Variants in PLEKHG5 observed in about 807,000 individuals in gnomAD.
PLEKHG5 encodes the protein pleckstrin homology and RhoGEF domain containing G5.
PLEKHG5 carries 52 observed loss-of-function variants against 103.8 expected under a neutral mutation model. That is an observed-to-expected ratio of 0.50 (90% confidence interval 0.40 to 0.63). PLEKHG5 has a LOEUF of 0.63. Ranked by LOEUF, PLEKHG5 falls within the 30% of genes least tolerant of loss-of-function variation. PLEKHG5 has a pLI of 0.00. For missense variants in PLEKHG5, 1,205 were observed against 1,347.6 expected (o/e 0.89, Z 1.66); for synonymous variants, 592 against 575.5 (o/e 1.03, Z -0.41).
intron 5 of PLEKHG5, chr1:6,474,840 C>T (rs1644712106): frequency 4.5e-6 from 3 of 671,360 alleles, no homozygotes; most frequent in Admixed American, 4.3e-5. Context: ...CTCCTGCATA[C>T]ATGATTAAAA....
chr1:6,512,169 C>T (rs1444319607), intron 1 of PLEKHG5, among the ~76,000 whole-genome samples: 2 of 152,206 alleles, frequency 1.3e-5, no homozygotes, highest in African/African-American at 4.8e-5. Context: ...GCCCATGTCG[C>T]TCGGAAGGGG....
rs544810676 is a variant in PLEKHG5, at chr1:6,486,551, G to A, written c.-88+5086C>T. On this transcript the variant is annotated intron_variant, in intron 1 of 20. Transcript: ENST00000377728. The surrounding 1 kb of genome is among the most constrained non-coding windows in gnomAD (Gnocchi z 5.3). ...AGAGGCTATCCTTGGCAGCCCCCAG[G>A]AGCTGGGTGAGGTGGAGGCATCAGG... Among the ~76,000 whole-genome samples, 58 of 152,348 alleles carry A rather than the reference G, an allele frequency of 3.8e-4. No homozygotes were observed. In the South Asian group the frequency reaches 4.8e-3, roughly 12 times the overall value.
At chr1:6,497,803 G>T (rs2148628680), upstream of PLEKHG5, among the ~76,000 whole-genome samples, 1 of 152,296 alleles carries the variant, frequency 6.6e-6, no homozygotes, top group East Asian at 1.9e-4. The surrounding 1 kb of genome is among the most constrained non-coding windows in gnomAD (Gnocchi z 6.1). Context: ...GGAGAGACTC[G>T]CCTGCCACGG....
chr1:6,476,794 G>C (rs191952604), intron 2 of PLEKHG5, among the ~76,000 whole-genome samples: 2 of 151,348 alleles, frequency 1.3e-5, no homozygotes, highest in African/African-American at 4.9e-5. Context: ...TTGCTCTGTC[G>C]CTCAGGCTGG....
At chr1:6,495,425 G>C (rs113480314), upstream of PLEKHG5, among the ~76,000 whole-genome samples, 1 of 152,100 alleles carries the variant, frequency 6.6e-6, no homozygotes, top group African/African-American at 2.4e-5. Flanking sequence ...GGAGGGGAGC[G>C]GGGGGTGGGG....
intron 16 of PLEKHG5, 82 bp from the exon 17 acceptor site, chr1:6,469,758 A>C: frequency 1.4e-6 from 2 of 1,440,310 alleles, no homozygotes; most frequent in Admixed American, 1.8e-5. Context: ...CCCTGGGAGC[A>C]CTCGGTTTTT....
chr1:6,512,074 T>C (rs1638488392), intron 1 of PLEKHG5, among the ~76,000 whole-genome samples: 1 of 152,218 alleles, frequency 6.6e-6, no homozygotes, highest in Non-Finnish European at 1.5e-5. Context: ...GCATCTCCTT[T>C]AATCTACCCA....
rs868772853 is a variant in PLEKHG5 at position 6,486,230 on chromosome 1, G to A, written c.-88+5407C>T. Among the ~76,000 whole-genome samples, 1 of 152,082 alleles carries A rather than the reference G, an allele frequency of 6.6e-6. No individual in the cohort carries two copies. Among genetic ancestry groups the A allele is most frequent in the South Asian group, 2.1e-4 (1 of 4,830 alleles). On this transcript the variant is annotated intron_variant, in intron 1 of 20. Transcript: ENST00000377728. This position sits in a 1 kb window ranked among gnomAD's most constrained non-coding sequence, Gnocchi z 5.3. ...TCTTAGAATACAGGCACCAGAAGGG[G>A]GAGGCCAGGATGGGGCACACTCCCC...
At chr1:6,516,860 ATATGTG>A (rs1207712378) in intron 1 of PLEKHG5, among the ~76,000 whole-genome samples, 2 of 24,048 alleles carry the variant, frequency 8.3e-5, no homozygotes, top group South Asian at 3.0e-3. Context: ...GTGTGTGTAT[ATATGTG>A]TATATATATA....
At chr1:6,478,166 G>A (rs924267469) in intron 1 of PLEKHG5, among the ~76,000 whole-genome samples, 1 of 152,118 alleles carries the variant, frequency 6.6e-6, no homozygotes, top group African/African-American at 2.4e-5. Flanking sequence ...TTACAGGCGT[G>A]AGCCACCGCG....
intron 5 of PLEKHG5, 141 bp downstream of exon 5, chr1:6,474,906 G>C (rs80277106): frequency 7.8e-6 from 6 of 764,884 alleles, no homozygotes; most frequent in Non-Finnish European, 1.4e-5. Context: ...ACACCAGCAC[G>C]GGTCTGCCCA....
chr1:6,468,238 CA>C lies in PLEKHG5; in HGVS notation c.2597del (p.Leu866ArgfsTer2). ...TGAGCAGGTGGGGCGGGCAGCTCAA[CA>C]GCTGGACAGGGGTGCGGCGGCGGAG... ...PRLRRRTPVQLLSCPPHLLKS... is the reference protein window; with the variant it reads ...PRLRRRTPVQXLSCPPHLLKS... On this transcript the variant is annotated frameshift_variant, in exon 20 of 21. Transcript: ENST00000377728. LOFTEE classifies it high-confidence loss of function. 6.3e-7 allele frequency: 1 copy of C among 1,596,452 alleles called. No individual in the cohort carries two copies. Among genetic ancestry groups the C allele is most frequent in the Non-Finnish European group, 8.6e-7 (1 of 1,169,056 alleles).
chr1:6,472,225 G>A (rs113504920), intron 10 of PLEKHG5, among the ~76,000 whole-genome samples: 31 of 152,328 alleles, frequency 2.0e-4, no homozygotes, highest in East Asian at 7.7e-4. Flanking sequence ...ACTCTGTCCC[G>A]TCCAGGGCGT....
At chr1:6,477,859 C>A (rs1430252619) in intron 1 of PLEKHG5, among the ~76,000 whole-genome samples, 2 of 151,164 alleles carry the variant, frequency 1.3e-5, no homozygotes, top group African/African-American at 2.5e-5. Context: ...CACACCAACA[C>A]GTGGTTATTT....
chr1:6,486,053 TCTG>T lies in PLEKHG5; in HGVS notation c.-88+5581_-88+5583del. On this transcript the variant is annotated intron_variant, in intron 1 of 20. Transcript: ENST00000377728. This position sits in a 1 kb window ranked among gnomAD's most constrained non-coding sequence, Gnocchi z 5.3. Reference sequence around the variant, plus strand: ...CCCGCCCAGCCCTGGGGGTGCCCACTCTGCTGTGGTCCCCACCTCACCCTCAGC... The same window carrying T: ...CCCGCCCAGCCCTGGGGGTGCCCACTCTGTGGTCCCCACCTCACCCTCAGC... The T allele has an allele frequency of 9.6e-6, 2 of 207,476 alleles. No individual in the cohort carries two copies. Among genetic ancestry groups the T allele is most frequent in the Non-Finnish European group, 1.6e-5 (2 of 126,468 alleles). The allele number at this position is 207,476 out of a possible 1,614,324, so 12.9% of individuals were successfully genotyped here.
At chr1:6,498,953 G>C (rs3007431), upstream of PLEKHG5, among the ~76,000 whole-genome samples, 3,852 of 152,234 alleles carry the variant, frequency 0.025, 157 homozygotes, top group African/African-American at 0.088. Flanking sequence ...AGTGGGGTTC[G>C]GGGCTTTTGT....
rs1557733237 is a variant in PLEKHG5 at position 6,467,598 on chromosome 1, CCTT to C, written c.3012-29_3012-27del. On this transcript the variant is annotated intron_variant, in intron 20 of 20. Transcript: ENST00000377728. ...CTACAGGGTGGGGAGGGGACAGAGT[CCTT>C]CTTTGGCTGACGCCATTCAGAGTGG... 1.7e-5 allele frequency: 28 copies of C among 1,612,094 alleles called. No individual in the cohort carries two copies. In the East Asian group the frequency reaches 4.7e-4, roughly 27 times the overall value.
chr1:6,487,162 T>C lies in PLEKHG5; in HGVS notation c.-88+4475A>G, dbSNP rs535303395. On this transcript the variant is annotated intron_variant, in intron 1 of 20. Coordinates refer to ENST00000377728, the MANE Select transcript of PLEKHG5 (RefSeq NM_020631.6). The surrounding 1 kb of genome is among the most constrained non-coding windows in gnomAD (Gnocchi z 4.1). ...ACGGAATCTTGCTCTGTCACTCACGTTGGAGTGCAGTGGCATGATCCCAGC... is the reference window on the plus strand; with the variant it reads ...ACGGAATCTTGCTCTGTCACTCACGCTGGAGTGCAGTGGCATGATCCCAGC... Among the ~76,000 whole-genome samples, 10 of 152,306 alleles carry C rather than the reference T, an allele frequency of 6.6e-5. No homozygotes were observed. The highest frequency in any genetic ancestry group is 1.9e-4 in the African/African-American group (8 of 41,564).
chr1:6,474,483 T>C lies in PLEKHG5; in HGVS notation c.407A>G (p.Tyr136Cys), dbSNP rs986133840. 6.2e-7 allele frequency: 1 copy of C among 1,613,978 alleles called. No homozygotes were observed. The highest frequency in any genetic ancestry group is 8.5e-7 in the Non-Finnish European group (1 of 1,180,008). ...ACGAAGGTAGTGTCCCCCGAACCTG[T>C]AGGCCTCGAAGGTGAGGGACAGGGG... ...NTPLSLTFEA[Y>C]RFGGHYLRVK... Residue 136 changes from tyrosine to cysteine, a missense_variant, in exon 6 of 21, where the codon TAC becomes TGC. Transcript: ENST00000377728.
Sources: allele counts gnomAD v4.1 joint callset (sites outside exome capture counted in the v4.1 genomes callset), GRCh38; gene constraint gnomAD v4.1.1; non-coding constraint Gnocchi (gnomAD v3.1); transcripts MANE v1.5; gene names NCBI Gene and HGNC (gene_info 2026-07-23, HGNC 2026-07-21).